TEAD4: variants seen among roughly 807,000 people sequenced by gnomAD.
TEAD4 encodes TEA domain transcription factor 4.
Under a neutral mutation model 52.4 loss-of-function variants are expected in TEAD4, and 36 were observed. The observed-to-expected ratio is 0.69, with a 90% confidence interval of 0.53 to 0.91. TEAD4 has a LOEUF of 0.91. Ranked by LOEUF, TEAD4 falls within the 40% of genes least tolerant of loss-of-function variation. The pLI is 0.00. For missense variants in TEAD4, 508 were observed against 583.9 expected, an observed-to-expected ratio of 0.87 and a Z score of 1.34; for synonymous variants, 220 against 231.0, an observed-to-expected ratio of 0.95 and a Z score of 0.43.
At chr12:3,034,768 G>A (rs971485701) in intron 10 of TEAD4, among the ~76,000 whole-genome samples, 2 of 152,024 alleles carry the variant, frequency 1.3e-5, no homozygotes, top group Non-Finnish European at 2.9e-5. Flanking sequence ...CCCTATCCCT[G>A]TGTTTTAAAA....
chr12:3,037,910 C>T (rs1397125287), intron 10 of TEAD4, 58 bp from the exon 11 acceptor site: 3 of 1,571,400 alleles, frequency 1.9e-6, no homozygotes, highest in Non-Finnish European at 2.6e-6. Context: ...CTCCTTGATG[C>T]TCCCGTCTGA....
At chr12:3,035,730 A>G (rs1005782313) in intron 10 of TEAD4, among the ~76,000 whole-genome samples, 3 of 151,364 alleles carry the variant, frequency 2.0e-5, no homozygotes, top group Non-Finnish European at 4.4e-5. Context: ...TGAGGTGGGA[A>G]GACTGCTTGA....
At chr12:2,988,414 G>T (rs2098240404) in intron 2 of TEAD4, among the ~76,000 whole-genome samples, 1 of 151,476 alleles carries the variant, frequency 6.6e-6, no homozygotes, top group African/African-American at 2.4e-5. Context: ...AGCTACTTGG[G>T]AGGCTGAGGC....
chr12:3,034,030 G>A (rs930156401), intron 10 of TEAD4, among the ~76,000 whole-genome samples: 1 of 151,384 alleles, frequency 6.6e-6, no homozygotes, highest in Non-Finnish European at 1.5e-5. Flanking sequence ...GGCTGATTGT[G>A]GGATCTCTCT....
intron 3 of TEAD4, among the ~76,000 whole-genome samples, chr12:3,008,356 C>G (rs2098257566): frequency 6.6e-6 from 1 of 152,062 alleles, no homozygotes; most frequent in Non-Finnish European, 1.5e-5. Flanking sequence ...TGGTGTGTTT[C>G]AGGACAGCAA....
intron 8 of TEAD4, among the ~76,000 whole-genome samples, chr12:3,020,316 G>GT (rs759474812): frequency 1.9e-4 from 29 of 152,212 alleles, no homozygotes; most frequent in Non-Finnish European, 3.8e-4. Context: ...GAACTTAACA[G>GT]TGCCTGTTCT....
intron 9 of TEAD4, 50 bp downstream of exon 9, chr12:3,020,823 CTG>C: frequency 6.7e-7 from 1 of 1,489,498 alleles, no homozygotes; most frequent in Non-Finnish European, 9.0e-7. Flanking sequence ...CCCTCTCCCT[CTG>C]TTTCTGCTTC....
intron 10 of TEAD4, among the ~76,000 whole-genome samples, chr12:3,028,767 A>C (rs923765553): frequency 6.6e-6 from 1 of 151,976 alleles, no homozygotes; most frequent in African/African-American, 2.4e-5. Flanking sequence ...AGTAGCTGGA[A>C]TTACAGGCAC....
At chr12:3,010,798 C>T (rs950001448) in intron 3 of TEAD4, among the ~76,000 whole-genome samples, 4 of 152,132 alleles carry the variant, frequency 2.6e-5, no homozygotes, top group African/African-American at 7.2e-5. Context: ...GGGTTTCAGT[C>T]CCCACAGTGA....
Position 2,959,640 on chromosome 12 carries a change from C to A in TEAD4, c.-123+159C>A, listed in dbSNP as rs1489231176. On this transcript the variant is annotated intron_variant, in intron 1 of 12. Coordinates refer to ENST00000359864, the MANE Select transcript of TEAD4 (RefSeq NM_003213.4). The surrounding 1 kb of genome is among the most constrained non-coding windows in gnomAD (Gnocchi z 5.1). ...CTCTGCGCTCCGACGCGCTCCGTCCCGACCTCTGGCTTCCCTCCGCGCTCC... is the reference window on the plus strand; with the variant it reads ...CTCTGCGCTCCGACGCGCTCCGTCCAGACCTCTGGCTTCCCTCCGCGCTCC... 6.6e-6 allele frequency among the ~76,000 whole-genome samples: 1 copy of A among 150,958 alleles called. No homozygotes were observed. Among genetic ancestry groups the A allele is most frequent in the Admixed American group, 6.6e-5 (1 of 15,150 alleles).
chr12:3,019,996 C>G (rs1310494402), intron 8 of TEAD4, among the ~76,000 whole-genome samples: 1 of 152,242 alleles, frequency 6.6e-6, no homozygotes. Flanking sequence ...GCTGTCCCGT[C>G]TCACCTCCTC....
chr12:2,985,811 C>T (rs751243955), intron 2 of TEAD4, among the ~76,000 whole-genome samples: 37 of 152,088 alleles, frequency 2.4e-4, no homozygotes, highest in Non-Finnish European at 4.4e-4. Context: ...ACCAGCCGGG[C>T]GTGGTGGCTC....
chr12:3,028,611 T>C (rs2098273496), intron 10 of TEAD4, among the ~76,000 whole-genome samples: 1 of 152,144 alleles, frequency 6.6e-6, no homozygotes, highest in African/African-American at 2.4e-5. Context: ...TTTGTAGAAA[T>C]GCCAATTCAG....
chr12:2,985,190 C>T (rs2098237134), intron 2 of TEAD4, among the ~76,000 whole-genome samples: 1 of 151,990 alleles, frequency 6.6e-6, no homozygotes, highest in Non-Finnish European at 1.5e-5. Context: ...CGAGACCATC[C>T]TGGCTAACAT....
intron 4 of TEAD4, among the ~76,000 whole-genome samples, chr12:3,011,595 G>A (rs1159687084): frequency 4.6e-5 from 7 of 152,094 alleles, no homozygotes; most frequent in Admixed American, 4.6e-4. Flanking sequence ...TCGCCTCTCT[G>A]GAAAGTCATC....
intron 2 of TEAD4, among the ~76,000 whole-genome samples, chr12:2,977,771 A>G (rs1285510613): frequency 6.6e-6 from 1 of 152,164 alleles, no homozygotes; most frequent in East Asian, 1.9e-4. Flanking sequence ...AACTTGTTGC[A>G]TTTCAGGAGA....
At chr12:3,036,196 T>G (rs1358226081) in intron 10 of TEAD4, among the ~76,000 whole-genome samples, 1 of 152,192 alleles carries the variant, frequency 6.6e-6, no homozygotes, top group Non-Finnish European at 1.5e-5. Flanking sequence ...GCCATTCTGT[T>G]TCAGCATGAA....
rs544913983 is a variant in TEAD4 at position 2,973,628 on chromosome 12, T to C, written c.-30+13588T>C. ...AGTCACGGGGCCTTCCAAGAAGCTCTGTTCCTGGCGTAGAGCATGGTTCAG... is the reference window on the plus strand; with the variant it reads ...AGTCACGGGGCCTTCCAAGAAGCTCCGTTCCTGGCGTAGAGCATGGTTCAG... On this transcript the variant is annotated intron_variant, in intron 2 of 12. Coordinates refer to ENST00000359864, the MANE Select transcript of TEAD4 (RefSeq NM_003213.4). Among the ~76,000 whole-genome samples the C allele has an allele frequency of 9.2e-4, 140 of 152,332 alleles. 2 individuals are homozygous for C. Among genetic ancestry groups the C allele is most frequent in the African/African-American group, 3.3e-3 (138 of 41,584 alleles).
At chr12:3,018,058 C>T (rs2098265854) in intron 6 of TEAD4, among the ~76,000 whole-genome samples, 2 of 152,198 alleles carry the variant, frequency 1.3e-5, no homozygotes, top group African/African-American at 4.8e-5. Context: ...TTTCTTGGCT[C>T]CAGGGACTAA....
Sources: allele counts gnomAD v4.1 joint callset (sites outside exome capture counted in the v4.1 genomes callset), GRCh38; gene constraint gnomAD v4.1.1; non-coding constraint Gnocchi (gnomAD v3.1); transcripts MANE v1.5; gene names NCBI Gene and HGNC (gene_info 2026-07-23, HGNC 2026-07-21).